EHBP1: variants seen among roughly 807,000 people sequenced by gnomAD.
EHBP1 encodes the protein EH domain-binding protein 1.
Under a neutral mutation model 144.0 loss-of-function variants are expected in EHBP1, and 55 were observed. The ratio of observed to expected loss-of-function variants is 0.38; its 90% CI spans 0.31 to 0.48. The LOEUF is 0.48. Among genes scored for constraint, EHBP1 ranks in the 20% least tolerant of loss-of-function variants. The pLI, the probability that EHBP1 is intolerant of heterozygous loss-of-function variation, is 0.98. For synonymous variants in EHBP1, 469 were observed against 472.7 expected (o/e 0.99, Z 0.10); for missense variants, 1,200 against 1,364.2 (o/e 0.88, Z 1.90).
rs1001664225 is a variant in EHBP1, at chr2:62,906,271, C to T, written c.1185+31739C>T. Reference sequence around the variant, plus strand: ...CTGTTGAAAGGTAATTTACTGTATACGTGTCCGTCTATTTTCAGACTCTGT... The same window carrying T: ...CTGTTGAAAGGTAATTTACTGTATATGTGTCCGTCTATTTTCAGACTCTGT... On this transcript the variant is annotated intron_variant, in intron 10 of 22. Transcript: ENST00000431489. 9.2e-5 allele frequency among the ~76,000 whole-genome samples: 14 copies of T among 151,772 alleles called. No individual in the cohort carries two copies. The South Asian group carries it at 1.5e-3, about 16-fold the overall frequency.
intron 1 of EHBP1, among the ~76,000 whole-genome samples, chr2:62,696,496 CTTTTTTTTCTTCTT>C (rs2034099782): frequency 8.1e-6 from 1 of 123,120 alleles, no homozygotes; most frequent in African/African-American, 3.0e-5. Flanking sequence ...CTTTTCTTTT[CTTTTTTTTCTTCTT>C]TTTTTTTTTT....
chr2:62,724,575 G>T (rs1431462732), intron 2 of EHBP1, among the ~76,000 whole-genome samples: 2 of 151,920 alleles, frequency 1.3e-5, no homozygotes, highest in African/African-American at 2.4e-5. Context: ...GAGTTCTTTT[G>T]TTGGTCCTTT....
At chr2:62,864,082 A>G (rs2049861034) in intron 8 of EHBP1, among the ~76,000 whole-genome samples, 1 of 151,760 alleles carries the variant, frequency 6.6e-6, no homozygotes, top group Non-Finnish European at 1.5e-5. Context: ...CCTTGACCTC[A>G]AGTGATCTAC....
chr2:62,928,548 A>T (rs2055719261), intron 10 of EHBP1, among the ~76,000 whole-genome samples: 1 of 152,176 alleles, frequency 6.6e-6, no homozygotes, highest in Admixed American at 6.5e-5. Context: ...ATGCAGCTTA[A>T]TGTCAAGAAC....
chr2:62,756,147 G>A (rs1573163463), intron 3 of EHBP1, among the ~76,000 whole-genome samples: 1 of 151,150 alleles, frequency 6.6e-6, no homozygotes, highest in Non-Finnish European at 1.5e-5. Flanking sequence ...TTTGATGTTT[G>A]ATATTCTTTT....
intron 21 of EHBP1, among the ~76,000 whole-genome samples, chr2:63,040,455 T>A (rs1414222263): frequency 2.0e-5 from 3 of 152,148 alleles, no homozygotes; most frequent in Admixed American, 6.5e-5. Flanking sequence ...TATCCCTATA[T>A]ACCAGATTTA....
intron 7 of EHBP1, among the ~76,000 whole-genome samples, chr2:62,842,914 G>T (rs930494140): frequency 1.3e-5 from 2 of 152,192 alleles, no homozygotes; most frequent in African/African-American, 2.4e-5. Context: ...GAAAGGAAGA[G>T]TGAGAACAGT....
At chr2:62,900,978 T>C (rs1221146577) in intron 10 of EHBP1, among the ~76,000 whole-genome samples, 1 of 152,192 alleles carries the variant, frequency 6.6e-6, no homozygotes, top group East Asian at 1.9e-4. Context: ...AAAAGTCTTA[T>C]ATTCAGTTTT....
chr2:62,694,940 T>C (rs2034034782), intron 1 of EHBP1, among the ~76,000 whole-genome samples: 1 of 152,206 alleles, frequency 6.6e-6, no homozygotes, highest in Admixed American at 6.5e-5. Flanking sequence ...TGTAAGTATA[T>C]GTATATGTCA....
At chr2:62,741,549 C>A (rs756053116) in intron 2 of EHBP1, among the ~76,000 whole-genome samples, 2 of 152,066 alleles carry the variant, frequency 1.3e-5, no homozygotes, top group African/African-American at 4.8e-5. Context: ...TTAGTGTCAG[C>A]GTTTTTGTTG....
At chr2:62,922,153 C>T (rs1022885915) in intron 10 of EHBP1, among the ~76,000 whole-genome samples, 19 of 152,012 alleles carry the variant, frequency 1.2e-4, no homozygotes, top group African/African-American at 4.3e-4. Flanking sequence ...CCAGCCTGAG[C>T]GACAGAGCAA....
chr2:62,680,922 C>G (rs897783533), intron 1 of EHBP1, among the ~76,000 whole-genome samples: 2 of 152,182 alleles, frequency 1.3e-5, no homozygotes, highest in Admixed American at 6.6e-5. Flanking sequence ...AGCATGGTAG[C>G]TTTCCTACCC....
intron 10 of EHBP1, among the ~76,000 whole-genome samples, chr2:62,900,089 C>T (rs1490481131): frequency 1.3e-5 from 2 of 152,150 alleles, no homozygotes; most frequent in African/African-American, 4.8e-5. Context: ...AACCTCTGTT[C>T]AGTAGTAAAC....
At chr2:62,801,285 A>G (rs1325802868) in intron 5 of EHBP1, among the ~76,000 whole-genome samples, 3 of 152,228 alleles carry the variant, frequency 2.0e-5, no homozygotes, top group South Asian at 2.1e-4. Flanking sequence ...TCTGGAGTAT[A>G]GCCGTCTGAT....
intron 7 of EHBP1, among the ~76,000 whole-genome samples, chr2:62,840,945 A>G (rs923533310): frequency 1.3e-4 from 20 of 152,280 alleles, no homozygotes; most frequent in Non-Finnish European, 2.2e-4. Context: ...TTCCTCAGGG[A>G]TCTAGAACTA....
chr2:62,679,398 T>G (rs558634532), intron 1 of EHBP1, among the ~76,000 whole-genome samples: 5 of 152,206 alleles, frequency 3.3e-5, no homozygotes, highest in African/African-American at 1.2e-4. Flanking sequence ...CCTGCAAATA[T>G]GACATCACTG....
chr2:62,788,004 T>G (rs1454895391), intron 5 of EHBP1, among the ~76,000 whole-genome samples: 1 of 152,212 alleles, frequency 6.6e-6, no homozygotes, highest in African/African-American at 2.4e-5. Context: ...ATATGAATTG[T>G]GTTTTAGATA....
chr2:62,946,295 A>G (rs1250884187), intron 12 of EHBP1, among the ~76,000 whole-genome samples: 1 of 152,322 alleles, frequency 6.6e-6, no homozygotes, highest in East Asian at 1.9e-4. Context: ...GGATTTACAT[A>G]TTACTCCATA....
chr2:62,727,002 A>G (rs2036866938), intron 2 of EHBP1, among the ~76,000 whole-genome samples: 1 of 152,130 alleles, frequency 6.6e-6, no homozygotes. Context: ...AGCTGGAATT[A>G]CAGGCACATG....
Sources: gnomAD v4.1 joint callset for allele counts (sites outside exome capture counted in the v4.1 genomes callset) on GRCh38, gnomAD v4.1.1 for gene constraint, MANE v1.5 for transcripts, NCBI Gene and HGNC (gene_info 2026-07-23, HGNC 2026-07-21) for gene names.